The following MAPKAP1 variants were observed in gnomAD, a reference collection of about 807,000 sequenced individuals.
MAPKAP1 encodes MAPK associated protein 1.
In MAPKAP1, 20 loss-of-function variants were observed where a neutral mutation model predicts 65.7. The ratio of observed to expected loss-of-function variants is 0.30; its 90% CI spans 0.21 to 0.44. MAPKAP1 has a LOEUF of 0.44. Ranked by LOEUF, MAPKAP1 falls within the 20% of genes least tolerant of loss-of-function variation. The pLI is 1.00. For synonymous variants in MAPKAP1, 222 were observed against 244.3 expected, an observed-to-expected ratio of 0.91 and a Z score of 0.85; for missense variants, 423 against 648.0, an observed-to-expected ratio of 0.65 and a Z score of 3.77.
In MAPKAP1 at chr9:125,440,335, G is replaced by C. The variant is rs990721498; in HGVS notation, c.1444-1323C>G. 2.0e-5 allele frequency among the ~76,000 whole-genome samples: 3 copies of C among 152,330 alleles called. No individual in the cohort carries two copies. The East Asian group carries it at 5.8e-4, about 29-fold the overall frequency. On this transcript the variant is annotated intron_variant, in intron 11 of 11. Coordinates refer to ENST00000265960, the MANE Select transcript of MAPKAP1 (RefSeq NM_001006617.3). ...TTAGTCAAGGTCACAAAGCTAGAAG[G>C]TGTCAGGCGCTTGGCAAACACCCCT...
At chr9:125,635,818 C>T (rs1228329075) in intron 4 of MAPKAP1, among the ~76,000 whole-genome samples, 3 of 152,194 alleles carry the variant, frequency 2.0e-5, no homozygotes, top group Non-Finnish European at 4.4e-5. Context: ...TTGTCATTTG[C>T]ATACCTACCA....
chr9:125,583,892 T>C (rs1831698811), intron 5 of MAPKAP1, among the ~76,000 whole-genome samples: 1 of 152,056 alleles, frequency 6.6e-6, no homozygotes, highest in Non-Finnish European at 1.5e-5. Flanking sequence ...TGAAACCCCG[T>C]CTCTACTAAA....
At chr9:125,536,585 T>TATTTATTCATTCATTC (rs150930718) in intron 7 of MAPKAP1, among the ~76,000 whole-genome samples, 14 of 151,612 alleles carry the variant, frequency 9.2e-5, no homozygotes, top group Admixed American at 2.0e-4. Flanking sequence ...ATTTTCCATT[T>TATTTATTCATTCATTC]ATTCATTCAT....
At chr9:125,539,392 G>T (rs1456970613) in intron 7 of MAPKAP1, among the ~76,000 whole-genome samples, 2 of 152,146 alleles carry the variant, frequency 1.3e-5, no homozygotes, top group African/African-American at 2.4e-5. Context: ...AAGTTATGTG[G>T]AAAACTATTC....
chr9:125,558,326 A>G (rs547358866), intron 6 of MAPKAP1, among the ~76,000 whole-genome samples: 27 of 152,316 alleles, frequency 1.8e-4, no homozygotes, highest in Admixed American at 1.2e-3. Flanking sequence ...AAGTTATTTT[A>G]GTACCTCTGA....
At chr9:125,690,288 G>C (rs532999812) in intron 1 of MAPKAP1, among the ~76,000 whole-genome samples, 2 of 152,182 alleles carry the variant, frequency 1.3e-5, no homozygotes, top group Non-Finnish European at 2.9e-5. Flanking sequence ...AGAAACTTCA[G>C]AAGTTTCAGA....
chr9:125,611,651 T>TA (rs1172944278), intron 4 of MAPKAP1, among the ~76,000 whole-genome samples: 1 of 152,154 alleles, frequency 6.6e-6, no homozygotes, highest in Non-Finnish European at 1.5e-5. Flanking sequence ...ATTGCATCTA[T>TA]ACCAGACAAA....
intron 4 of MAPKAP1, among the ~76,000 whole-genome samples, chr9:125,609,428 A>G (rs929549892): frequency 2.0e-5 from 3 of 152,234 alleles, no homozygotes; most frequent in Non-Finnish European, 4.4e-5. Flanking sequence ...TCGGAATGCT[A>G]AGGGAAGCAG....
At chr9:125,547,035 G>A (rs1830445640) in intron 6 of MAPKAP1, among the ~76,000 whole-genome samples, 1 of 152,148 alleles carries the variant, frequency 6.6e-6, no homozygotes, top group Admixed American at 6.5e-5. Flanking sequence ...ACTGCCAGGA[G>A]TGCTTCAGTC....
intron 10 of MAPKAP1, among the ~76,000 whole-genome samples, chr9:125,445,724 C>T (rs1207513961): frequency 2.0e-5 from 3 of 152,272 alleles, no homozygotes; most frequent in Non-Finnish European, 4.4e-5. Context: ...GACTCCCAGG[C>T]TCAGGCCCAT....
chr9:125,635,802 T>A (rs1460136761), intron 4 of MAPKAP1, among the ~76,000 whole-genome samples: 3 of 152,232 alleles, frequency 2.0e-5, no homozygotes, highest in Non-Finnish European at 4.4e-5. Flanking sequence ...TCTTAATGCT[T>A]CTTTATTGTC....
intron 4 of MAPKAP1, among the ~76,000 whole-genome samples, chr9:125,629,951 T>G (rs1295369967): frequency 6.6e-6 from 1 of 152,062 alleles, no homozygotes; most frequent in East Asian, 1.9e-4. Flanking sequence ...TTAAATGACA[T>G]GAATATCAAA....
chr9:125,641,625 T>C (rs1833580142), intron 4 of MAPKAP1, among the ~76,000 whole-genome samples: 1 of 152,180 alleles, frequency 6.6e-6, no homozygotes, highest in African/African-American at 2.4e-5. Context: ...TTGCTAAATA[T>C]GCAGGTGCAG....
At position 125,447,608 on chromosome 9, in the gene MAPKAP1, G is replaced by A. The variant is rs938724826; in HGVS notation, c.1346-3010C>T. On this transcript the variant is annotated intron_variant, in intron 10 of 11. Transcript: ENST00000265960. This position sits in a 1 kb window ranked among gnomAD's most constrained non-coding sequence, Gnocchi z 4.5. Reference sequence around the variant, plus strand: ...CGCTAGCAGCCCTGTTTCGCTGGGCGGCCAGAAGGGCAGTTTTCCTCAGTC... The same window carrying A: ...CGCTAGCAGCCCTGTTTCGCTGGGCAGCCAGAAGGGCAGTTTTCCTCAGTC... 5 of 407,462 alleles carry A rather than the reference G, an allele frequency of 1.2e-5. No homozygotes were observed. The highest frequency in any genetic ancestry group is 2.6e-5 in the Admixed American group (1 of 38,900). 25.2% of individuals were successfully genotyped at this position (407,462 alleles called of 1,614,324 possible).
chr9:125,634,216 G>C (rs1376453042), intron 4 of MAPKAP1, among the ~76,000 whole-genome samples: 1 of 152,136 alleles, frequency 6.6e-6, no homozygotes, highest in Non-Finnish European at 1.5e-5. Flanking sequence ...AGTTTCCGTA[G>C]GTGTGATTAC....
chr9:125,672,426 C>G lies in MAPKAP1; in HGVS notation c.149G>C (p.Ser50Thr), dbSNP rs1158538647. The G allele has an allele frequency of 6.2e-7, 1 of 1,614,072 alleles. No individual in the cohort carries two copies. Among genetic ancestry groups the G allele is most frequent in the African/African-American group, 1.3e-5 (1 of 74,938 alleles). Residue 50 changes from serine (S) to threonine (T), a missense_variant, in exon 2 of 12, where the codon AGT (serine) becomes ACT (threonine). This residue lies in a region of MAPKAP1 where 58 missense variants were observed against 56.9 expected (regional missense o/e 1.02). Coordinates refer to ENST00000265960, the MANE Select transcript of MAPKAP1 (RefSeq NM_001006617.3). ...ATTGCTTCCCTGAATTTCTGACCCA[C>G]TGTCTCCAGGCATTGAAGGAGGATG... Reference protein sequence around the residue: ...KIHPPSMPGDSGSEIQGSNGE... With the variant: ...KIHPPSMPGDTGSEIQGSNGE...
At position 125,646,336 on chromosome 9, in the gene MAPKAP1, CA is replaced by C. The variant is rs200131297; in HGVS notation, c.498+11314del. 9.9e-3 allele frequency among the ~76,000 whole-genome samples: 1,510 copies of C among 152,128 alleles called. 21 individuals carry two copies. Among genetic ancestry groups the C allele is most frequent in the African/African-American group, 0.035 (1,434 of 41,502 alleles). On this transcript the variant is annotated intron_variant, in intron 4 of 11. Coordinates refer to ENST00000265960, the MANE Select transcript of MAPKAP1 (RefSeq NM_001006617.3). ...CAAAACAAAACAAAACAAAACAAAA[CA>C]AAAAACTAATACAATGCCATCAGGA...
intron 10 of MAPKAP1, among the ~76,000 whole-genome samples, chr9:125,448,224 G>A (rs1379700427): frequency 1.3e-5 from 2 of 152,166 alleles, no homozygotes; most frequent in Non-Finnish European, 2.9e-5. Flanking sequence ...CTACAGAGAA[G>A]GTAATGTTGG....
At position 125,683,091 on chromosome 9, in the gene MAPKAP1, G is replaced by GATTATAGGTGCCCGCC. The variant is rs375058375; in HGVS notation, c.-69-10464_-69-10449dup. ...CTGCCTCAGCCTCCCTAGTAGCTGAGATTATAGGTGCCCGCCACCACGCCC... is the reference window on the plus strand; with the variant it reads ...CTGCCTCAGCCTCCCTAGTAGCTGAGATTATAGGTGCCCGCCATTATAGGTGCCCGCCACCACGCCC... On this transcript the variant is annotated intron_variant, in intron 1 of 11. Transcript: ENST00000265960. 4.9e-3 allele frequency among the ~76,000 whole-genome samples: 741 copies of GATTATAGGTGCCCGCC among 151,994 alleles called. 2 individuals are homozygous for GATTATAGGTGCCCGCC. Among genetic ancestry groups the GATTATAGGTGCCCGCC allele is most frequent in the African/African-American group, 0.017 (698 of 41,426 alleles).
Sources: allele counts gnomAD v4.1 joint callset (sites outside exome capture counted in the v4.1 genomes callset), GRCh38; gene constraint gnomAD v4.1.1; regional missense constraint gnomAD v4.1.1; non-coding constraint Gnocchi (gnomAD v3.1); transcripts MANE v1.5; gene names NCBI Gene and HGNC (gene_info 2026-07-23, HGNC 2026-07-21).